Variants in NELL1 observed in about 807,000 individuals in gnomAD.
NELL1 encodes the protein protein kinase C-binding protein NELL1.
Under a neutral mutation model 107.4 loss-of-function variants are expected in NELL1, and 76 were observed. That is an observed-to-expected ratio of 0.71 (90% confidence interval 0.59 to 0.86). The LOEUF (loss-of-function observed/expected upper bound fraction) is 0.86, where lower values mean the gene tolerates loss of function less well. Among genes scored for constraint, NELL1 ranks in the 40% least tolerant of loss-of-function variants. The probability of loss-of-function intolerance (pLI) is 0.00; values close to 1 mark genes in which losing one functional copy is unlikely to be tolerated. For missense variants in NELL1, 1,024 were observed against 1,005.5 expected, an observed-to-expected ratio of 1.02 and a Z score of -0.25; for synonymous variants, 353 against 341.2, an observed-to-expected ratio of 1.03 and a Z score of -0.38.
At chr11:21,043,390 G>A (rs1853283555) in intron 12 of NELL1, among the ~76,000 whole-genome samples, 1 of 152,106 alleles carries the variant, frequency 6.6e-6, no homozygotes, top group Non-Finnish European at 1.5e-5. Context: ...AGTCCTTAAG[G>A]TTAGAAAGAA....
chr11:21,029,064 T>C (rs576974482), intron 12 of NELL1, among the ~76,000 whole-genome samples: 1 of 152,206 alleles, frequency 6.6e-6, no homozygotes, highest in South Asian at 2.1e-4. Context: ...ACTTTAATGT[T>C]TCTGAAACCA....
chr11:21,428,171 G>C (rs1298705227), intron 15 of NELL1, among the ~76,000 whole-genome samples: 2 of 152,154 alleles, frequency 1.3e-5, no homozygotes, highest in Non-Finnish European at 2.9e-5. Context: ...ACTTATTTAA[G>C]AGGGAAGGAA....
chr11:21,371,361 T>A (rs1403562581), intron 15 of NELL1, among the ~76,000 whole-genome samples: 1 of 152,126 alleles, frequency 6.6e-6, no homozygotes, highest in Non-Finnish European at 1.5e-5. Context: ...AAAACCACAT[T>A]AAATAATTCC....
At chr11:21,051,247 G>C (rs1853486016) in intron 12 of NELL1, among the ~76,000 whole-genome samples, 1 of 152,144 alleles carries the variant, frequency 6.6e-6, no homozygotes, top group Non-Finnish European at 1.5e-5. Flanking sequence ...CCTGGATGGA[G>C]TTGGAGACCA....
intron 13 of NELL1, among the ~76,000 whole-genome samples, chr11:21,156,318 G>T (rs544817839): frequency 6.6e-6 from 1 of 152,176 alleles, no homozygotes; most frequent in African/African-American, 2.4e-5. Flanking sequence ...AAATGATTTT[G>T]CTCCAGCAGG....
chr11:21,316,202 T>TAA (rs774068434), intron 14 of NELL1, among the ~76,000 whole-genome samples: 1 of 151,662 alleles, frequency 6.6e-6, no homozygotes, highest in Non-Finnish European at 1.5e-5. Flanking sequence ...TTAAAGCTGC[T>TAA]AATACCCAGG....
At chr11:21,267,566 T>C (rs536959002) in intron 14 of NELL1, among the ~76,000 whole-genome samples, 1 of 152,212 alleles carries the variant, frequency 6.6e-6, no homozygotes, top group Non-Finnish European at 1.5e-5. Flanking sequence ...CAACTACTTT[T>C]GTTTGTAAGT....
intron 11 of NELL1, among the ~76,000 whole-genome samples, chr11:20,956,690 G>A (rs546661516): frequency 1.3e-5 from 2 of 151,662 alleles, no homozygotes; most frequent in East Asian, 3.9e-4. Flanking sequence ...TTCGCCATAT[G>A]CATACCTAGA....
chr11:20,798,309 T>C (rs947434939), intron 3 of NELL1, among the ~76,000 whole-genome samples: 3 of 152,244 alleles, frequency 2.0e-5, no homozygotes, highest in African/African-American at 7.2e-5. Context: ...AGAAGTATCA[T>C]AGCAATAGAA....
chr11:20,754,195 C>T (rs374213047), intron 2 of NELL1, among the ~76,000 whole-genome samples: 1 of 152,118 alleles, frequency 6.6e-6, no homozygotes, highest in Non-Finnish European at 1.5e-5. Context: ...ATTCAAGTAC[C>T]TCCAGGTTCT....
At chr11:21,392,902 A>G (rs1851910286) in intron 15 of NELL1, among the ~76,000 whole-genome samples, 1 of 151,782 alleles carries the variant, frequency 6.6e-6, no homozygotes, top group Admixed American at 6.6e-5. Flanking sequence ...TATTTAAGAT[A>G]TTAAATGTTT....
intron 16 of NELL1, among the ~76,000 whole-genome samples, chr11:21,549,425 C>T (rs546039873): frequency 6.6e-6 from 1 of 152,010 alleles, no homozygotes; most frequent in Non-Finnish European, 1.5e-5. Flanking sequence ...TCTGCAGGTT[C>T]TTGAGGAAGA....
intron 3 of NELL1, among the ~76,000 whole-genome samples, chr11:20,840,099 T>C (rs1181591733): frequency 6.6e-6 from 1 of 152,240 alleles, no homozygotes. Context: ...TTAAAACATA[T>C]AATGGTTTAT....
In NELL1 at chr11:21,174,455, T is replaced by C. The variant is rs142165419; in HGVS notation, c.1427-54877T>C. 6.7e-4 allele frequency among the ~76,000 whole-genome samples: 102 copies of C among 151,958 alleles called. 1 individual carries two copies. The Middle Eastern group carries it at 0.014, about 20-fold the overall frequency. The stretch of plus-strand genomic sequence containing the variant: ...AAAAGGAGCTATTGACCTTGATATA[T>C]AAAATTGAAATAATCAGATGGTCTA... On this transcript the variant is annotated intron_variant, in intron 13 of 19. Transcript: ENST00000357134.
chr11:21,414,841 TC>T (rs1852470306), intron 15 of NELL1, among the ~76,000 whole-genome samples: 1 of 152,056 alleles, frequency 6.6e-6, no homozygotes, highest in Non-Finnish European at 1.5e-5. Flanking sequence ...ATGCAGGACT[TC>T]CCTTCTTCCC....
At chr11:21,195,751 A>G (rs1218784889) in intron 13 of NELL1, among the ~76,000 whole-genome samples, 1 of 152,016 alleles carries the variant, frequency 6.6e-6, no homozygotes, top group Non-Finnish European at 1.5e-5. Context: ...GCACATCTCA[A>G]TCCATGCAAG....
intron 2 of NELL1, among the ~76,000 whole-genome samples, chr11:20,742,206 CT>C (rs1351671328): frequency 6.6e-6 from 1 of 152,160 alleles, no homozygotes; most frequent in Non-Finnish European, 1.5e-5. Context: ...TTGCTTGGCT[CT>C]GTTGGGAATG....
At chr11:20,959,751 A>G (rs894958959) in intron 11 of NELL1, among the ~76,000 whole-genome samples, 6 of 152,196 alleles carry the variant, frequency 3.9e-5, no homozygotes, top group African/African-American at 1.2e-4. Context: ...CCAAAATCTC[A>G]CAAATCACCG....
rs143620599 is a variant in NELL1 at position 21,069,161 on chromosome 11, A to G, written c.1301-44428A>G. Among the ~76,000 whole-genome samples, 79 of 152,360 alleles carry G rather than the reference A, an allele frequency of 5.2e-4. 2 individuals are homozygous for G. Among genetic ancestry groups the G allele is most frequent in the Non-Finnish European group, 1.2e-4 (8 of 68,042 alleles). On this transcript the variant is annotated intron_variant, in intron 12 of 19. Coordinates refer to ENST00000357134, the MANE Select transcript of NELL1 (RefSeq NM_006157.5). ...CTTAGAATTTGGACACAGGAAGAAT[A>G]GCTAATGGATACAGGGCTTAATACC...
Sources: gnomAD v4.1 joint callset for allele counts (sites outside exome capture counted in the v4.1 genomes callset) on GRCh38, gnomAD v4.1.1 for gene constraint, MANE v1.5 for transcripts, NCBI Gene and HGNC (gene_info 2026-07-23, HGNC 2026-07-21) for gene names.